The following TMEM181 variants were observed in gnomAD, a reference collection of about 807,000 sequenced individuals.
TMEM181 encodes G protein-coupled receptor 178.
A neutral mutation model predicts 71.9 loss-of-function variants in TMEM181; 39 were observed. The observed-to-expected ratio is 0.54, with a 90% CI of 0.42 to 0.71. TMEM181 has a LOEUF of 0.71. Ranked by LOEUF, TMEM181 falls within the 30% of genes least tolerant of loss-of-function variation. The pLI is 0.00. For synonymous variants in TMEM181, 245 were observed against 228.8 expected (o/e 1.07, Z -0.64); for missense variants, 595 against 583.0 (o/e 1.02, Z -0.21).
intron 1 of TMEM181, among the ~76,000 whole-genome samples, chr6:158,571,313 G>T (rs1267444475): frequency 2.0e-5 from 3 of 150,516 alleles, no homozygotes; most frequent in Non-Finnish European, 4.4e-5. Context: ...TAGCAGGATG[G>T]TCTCGATCTC....
chr6:158,575,755 A>G (rs1362514522), intron 2 of TMEM181, among the ~76,000 whole-genome samples: 2 of 152,144 alleles, frequency 1.3e-5, no homozygotes, highest in Non-Finnish European at 2.9e-5. Flanking sequence ...TCTTTCCTAC[A>G]TTTGATATAT....
intron 3 of TMEM181, among the ~76,000 whole-genome samples, chr6:158,582,434 A>G (rs1783532462): frequency 1.3e-5 from 2 of 152,200 alleles, no homozygotes; most frequent in South Asian, 4.1e-4. Context: ...CCCTGACAGA[A>G]GTATTAAGAC....
chr6:158,584,094 C>A, intron 4 of TMEM181, 50 bp downstream of exon 4: 3 of 1,473,956 alleles, frequency 2.0e-6, no homozygotes, highest in South Asian at 2.5e-5. Flanking sequence ...GAAGAAACAT[C>A]GTATTTTAGA....
intron 1 of TMEM181, among the ~76,000 whole-genome samples, chr6:158,566,707 G>C (rs1427580227): frequency 6.6e-6 from 1 of 151,946 alleles, no homozygotes; most frequent in Non-Finnish European, 1.5e-5. Context: ...AGTTGAGGGA[G>C]GTGATGGGGT....
intron 10 of TMEM181, 102 bp downstream of exon 10, chr6:158,608,852 C>CT: frequency 9.3e-7 from 1 of 1,080,050 alleles, no homozygotes; most frequent in Non-Finnish European, 1.4e-6. Context: ...AATCCCAGCA[C>CT]TTTGACAGGC....
At chr6:158,552,410 G>T (rs1781747598) in intron 1 of TMEM181, among the ~76,000 whole-genome samples, 1 of 152,154 alleles carries the variant, frequency 6.6e-6, no homozygotes, top group South Asian at 2.1e-4. Context: ...ATATCACAGA[G>T]GAATATACAC....
chr6:158,619,535 G>A (rs1785829961), intron 10 of TMEM181, among the ~76,000 whole-genome samples: 1 of 152,130 alleles, frequency 6.6e-6, no homozygotes, highest in African/African-American at 2.4e-5. Context: ...AGTTTTGGAG[G>A]AAGGAGAGAC....
Position 158,633,223 on chromosome 6 carries a change from G to GCTT in TMEM181, c.*1337_*1339dup, listed in dbSNP as rs1786756654. ...CGTATTTGGGTAGAAGGCAACTCGT[G>GCTT]CTTCCGGAAGGGGTTCCCTGTCCTC... On this transcript the variant is annotated 3_prime_UTR_variant, in exon 17 of 17. Transcript: ENST00000684151. 6.6e-6 allele frequency: 1 copy of GCTT among 152,206 alleles called. No homozygotes were observed. The highest frequency in any genetic ancestry group is 1.5e-5 in the Non-Finnish European group (1 of 68,024). 9.4% of individuals were successfully genotyped at this position (152,206 alleles called of 1,614,324 possible).
exon 1 of TMEM181, chr6:158,536,672 G>A (rs902662851): frequency 2.0e-6 from 3 of 1,516,844 alleles, no homozygotes; most frequent in South Asian, 2.4e-5. Flanking sequence ...GGAGAAGAGA[G>A]GGGGCGCAGG....
chr6:158,623,715 C>A, intron 11 of TMEM181, 108 bp downstream of exon 11: 3 of 736,112 alleles, frequency 4.1e-6, no homozygotes, highest in Non-Finnish European at 6.6e-6. Context: ...TAACTGACTA[C>A]TTGGGAAGGA....
At chr6:158,571,076 CTAATTTTTTAAAAAATTAATTAATTAAT>C (rs1236934258) in intron 1 of TMEM181, among the ~76,000 whole-genome samples, 1 of 151,564 alleles carries the variant, frequency 6.6e-6, no homozygotes, top group Non-Finnish European at 1.5e-5. Context: ...CCACACCCAG[CTAATTTTTTAAAAAATTAATTAATTAAT>C]TAATTTTTTT....
intron 1 of TMEM181, chr6:158,536,931 C>T (rs1421406988): frequency 8.5e-7 from 1 of 1,177,970 alleles, no homozygotes; most frequent in East Asian, 3.5e-5. Context: ...CTCCGGGACC[C>T]CGGCGCGCCC....
intron 2 of TMEM181, among the ~76,000 whole-genome samples, chr6:158,578,180 C>T (rs1783269634): frequency 2.0e-5 from 3 of 152,122 alleles, no homozygotes; most frequent in African/African-American, 7.2e-5. Context: ...TAAGACATTC[C>T]CAGATAAAAT....
intron 12 of TMEM181, 114 bp downstream of exon 12, chr6:158,625,320 T>A: frequency 1.1e-6 from 1 of 898,468 alleles, no homozygotes; most frequent in South Asian, 1.4e-5. Context: ...CAGGGACTGG[T>A]CCATTCCCAC....
intron 1 of TMEM181, among the ~76,000 whole-genome samples, chr6:158,537,267 G>C (rs1169102873): frequency 6.6e-6 from 1 of 152,124 alleles, no homozygotes; most frequent in Non-Finnish European, 1.5e-5. Context: ...CGCAGTCTGG[G>C]GAGGCGACCG....
chr6:158,631,786 T>G, intron 16 of TMEM181, 24 bp from the exon 17 acceptor site: 1 of 1,580,928 alleles, frequency 6.3e-7, no homozygotes, highest in Non-Finnish European at 8.6e-7. Context: ...AGTTAGACGG[T>G]CTCAAAGGTC....
intron 6 of TMEM181, among the ~76,000 whole-genome samples, chr6:158,593,059 G>C (rs1324817209): frequency 2.6e-5 from 4 of 152,186 alleles, no homozygotes; most frequent in East Asian, 3.8e-4. Context: ...ATGTATAAAA[G>C]CCTCTACTTC....
At chr6:158,546,069 C>G (rs983099481) in intron 1 of TMEM181, among the ~76,000 whole-genome samples, 1 of 152,110 alleles carries the variant, frequency 6.6e-6, no homozygotes, top group Admixed American at 6.6e-5. Flanking sequence ...GATGTATAAA[C>G]CCATGCTCTT....
intron 1 of TMEM181, among the ~76,000 whole-genome samples, chr6:158,542,722 A>G (rs1186685630): frequency 6.6e-6 from 1 of 152,102 alleles, no homozygotes; most frequent in Non-Finnish European, 1.5e-5. Context: ...CTTGTGCCTC[A>G]GCCTCCTGAG....
Sources: allele counts gnomAD v4.1 joint callset (sites outside exome capture counted in the v4.1 genomes callset), GRCh38; gene constraint gnomAD v4.1.1; transcripts MANE v1.5; gene names NCBI Gene and HGNC (gene_info 2026-07-23, HGNC 2026-07-21).